Variants in SHANK2 observed in about 807,000 individuals in gnomAD.
SHANK2 encodes SH3 and multiple ankyrin repeat domains 2.
Under a neutral mutation model 133.7 loss-of-function variants are expected in SHANK2, and 43 were observed. That is an observed-to-expected ratio of 0.32 (90% CI 0.25 to 0.41). The LOEUF (loss-of-function observed/expected upper bound fraction) is 0.41. Among genes scored for constraint, SHANK2 ranks in the 10% least tolerant of loss-of-function variants. The pLI is 1.00. For synonymous variants in SHANK2, 1,017 were observed against 952.8 expected (o/e 1.07, Z -1.24); for missense variants, 1,994 against 2,235.8 (o/e 0.89, Z 2.18).
intron 17 of SHANK2, among the ~76,000 whole-genome samples, chr11:70,536,956 C>T (rs2059551484): frequency 6.6e-6 from 1 of 151,736 alleles, no homozygotes; most frequent in Non-Finnish European, 1.5e-5. Flanking sequence ...CCTTCTTACT[C>T]CAGGAAATAA....
intron 17 of SHANK2, among the ~76,000 whole-genome samples, chr11:70,618,934 C>G (rs1379405944): frequency 1.6e-4 from 24 of 152,216 alleles, no homozygotes; most frequent in Non-Finnish European, 5.9e-5. Context: ...AGGGGACACA[C>G]AGGCTGACCC....
At position 70,686,711 on chromosome 11, in the gene SHANK2, G is replaced by A. The variant is rs568558075; in HGVS notation, c.1853+11977C>T. Among the ~76,000 whole-genome samples, 16 of 152,320 alleles carry A rather than the reference G, an allele frequency of 1.1e-4. No homozygotes were observed. In the South Asian group the frequency reaches 3.3e-3, roughly 32 times the overall value. On this transcript the variant is annotated intron_variant, in intron 15 of 25. Coordinates refer to ENST00000601538, the MANE Select transcript of SHANK2 (RefSeq NM_012309.5). Reference sequence around the variant, plus strand: ...ATGGCCCAGGTAATGTTGAGTCAGGGAGGTCTGATTGCTTCTCACTCTAGC... The same window carrying A: ...ATGGCCCAGGTAATGTTGAGTCAGGAAGGTCTGATTGCTTCTCACTCTAGC...
At chr11:70,750,026 A>G (rs1555037165) in intron 14 of SHANK2, among the ~76,000 whole-genome samples, 1 of 152,256 alleles carries the variant, frequency 6.6e-6, no homozygotes, top group Non-Finnish European at 1.5e-5. Flanking sequence ...AAGATGGAGT[A>G]CACACACCAC....
chr11:71,066,145 GGGTGGGGGGGGT>G (rs1951057259), intron 9 of SHANK2, among the ~76,000 whole-genome samples: 2 of 30,930 alleles, frequency 6.5e-5, no homozygotes, highest in Non-Finnish European at 1.4e-4. Flanking sequence ...TGGGGAAGTT[GGGTGGGGGGGGT>G]GCAGAACTCT....
intron 17 of SHANK2, among the ~76,000 whole-genome samples, chr11:70,622,039 G>A (rs1410838012): frequency 6.6e-6 from 1 of 152,152 alleles, no homozygotes; most frequent in African/African-American, 2.4e-5. Flanking sequence ...GAGGGGCCTG[G>A]CCCACCTTGC....
At chr11:70,649,029 G>T (rs963948044) in intron 17 of SHANK2, among the ~76,000 whole-genome samples, 1 of 152,174 alleles carries the variant, frequency 6.6e-6, no homozygotes, top group African/African-American at 2.4e-5. Context: ...CAAGTGTCTG[G>T]GGACAGGAGG....
intron 14 of SHANK2, among the ~76,000 whole-genome samples, chr11:70,778,564 T>TAAG (rs139682906): frequency 0.04 from 6,088 of 152,088 alleles, 420 homozygotes; most frequent in African/African-American, 0.14. Flanking sequence ...CTGGCATTCT[T>TAAG]AAGAGGAAGA....
chr11:71,059,570 T>G (rs1950962670), intron 9 of SHANK2, among the ~76,000 whole-genome samples: 1 of 152,164 alleles, frequency 6.6e-6, no homozygotes, highest in South Asian at 2.1e-4. Flanking sequence ...AGAGTCTTCA[T>G]CCCTGGCTGG....
chr11:70,758,673 A>G (rs2134961091), intron 14 of SHANK2, among the ~76,000 whole-genome samples: 1 of 152,342 alleles, frequency 6.6e-6, no homozygotes, highest in Non-Finnish European at 1.5e-5. Context: ...AAGGATCCCC[A>G]GTTAACAGAG....
At chr11:70,557,823 G>T (rs1246177541) in intron 17 of SHANK2, among the ~76,000 whole-genome samples, 1 of 152,180 alleles carries the variant, frequency 6.6e-6, no homozygotes, top group Non-Finnish European at 1.5e-5. Flanking sequence ...GCACACAGCT[G>T]CCCAGTGCAT....
At chr11:71,152,887 TTTAA>T (rs1952824131) in intron 2 of SHANK2, among the ~76,000 whole-genome samples, 1 of 152,110 alleles carries the variant, frequency 6.6e-6, no homozygotes, top group Admixed American at 6.5e-5. Context: ...TGGGAAAACA[TTTAA>T]TTATTAACTC....
chr11:70,837,423 G>A (rs1555060319), intron 11 of SHANK2, among the ~76,000 whole-genome samples: 1 of 152,126 alleles, frequency 6.6e-6, no homozygotes, highest in African/African-American at 2.4e-5. Context: ...TCCAACTCCA[G>A]GCCTTGTGCA....
intron 17 of SHANK2, among the ~76,000 whole-genome samples, chr11:70,591,517 G>T (rs1554988034): frequency 6.6e-6 from 1 of 151,044 alleles, no homozygotes; most frequent in Non-Finnish European, 1.5e-5. Context: ...AACTTCTGGA[G>T]ATACAACATT....
chr11:71,129,826 G>A (rs548111071), intron 3 of SHANK2, among the ~76,000 whole-genome samples: 2 of 152,222 alleles, frequency 1.3e-5, no homozygotes, highest in Non-Finnish European at 2.9e-5. Flanking sequence ...CACTTACGCT[G>A]AGTTATGAGT....
At chr11:70,940,217 T>C (rs12295902) in intron 10 of SHANK2, among the ~76,000 whole-genome samples, 460 of 6,524 alleles carry the variant, frequency 0.071, 12 homozygotes, top group Middle Eastern at 0.19. Flanking sequence ...CTCCTTCCCT[T>C]CCTCCCTCCC....
In SHANK2 at chr11:70,486,825, A is replaced by G. The variant is rs146736378; in HGVS notation, c.3468T>C (p.His1156=). Residue 1156 remains histidine (H), a synonymous_variant, in exon 25 of 26, where the codon CAT becomes CAC. Transcript: ENST00000601538. This position sits in a 1 kb window ranked among gnomAD's most constrained non-coding sequence, Gnocchi z 8.0. ...PSATPREPEN[H]FVGGAEASAP... is the part of the protein sequence containing the mutation. ...CACTGGCCTCGGCGCCACCCACGAA[A>G]TGGTTTTCGGGCTCCCTGGGCGTGG... is the stretch of plus-strand genomic sequence containing the variant. 3.2e-5 allele frequency: 52 copies of G among 1,612,402 alleles called. No homozygotes were observed. In the Admixed American group the frequency reaches 8.2e-4, roughly 25 times the overall value.
At chr11:70,542,958 CT>C (rs1426608444) in intron 17 of SHANK2, among the ~76,000 whole-genome samples, 2 of 152,180 alleles carry the variant, frequency 1.3e-5, no homozygotes, top group African/African-American at 4.8e-5. Context: ...CCCGGGACCG[CT>C]GACCAATCCC....
At chr11:70,577,162 C>G (rs10899205) in intron 17 of SHANK2, among the ~76,000 whole-genome samples, 52,681 of 152,104 alleles carry the variant, frequency 0.35, 9,583 homozygotes, top group South Asian at 0.48. Flanking sequence ...GGAGCCCAGA[C>G]AGCCCCAGGA....
rs549268947 is a variant in SHANK2 at position 71,214,131 on chromosome 11, T to A, written c.-13+10566A>T. 3.3e-5 allele frequency among the ~76,000 whole-genome samples: 5 copies of A among 152,182 alleles called. No homozygotes were observed. In the East Asian group the frequency reaches 9.7e-4, roughly 30 times the overall value. Reference sequence around the variant, plus strand: ...ACCCCCAGAAAGGGTCTGGCCTCAGTTTCCTCCCACCTCCTGCCTCCTGAC... The same window carrying A: ...ACCCCCAGAAAGGGTCTGGCCTCAGATTCCTCCCACCTCCTGCCTCCTGAC... On this transcript the variant is annotated intron_variant, in intron 2 of 25. Coordinates refer to ENST00000601538, the MANE Select transcript of SHANK2 (RefSeq NM_012309.5).
Sources: allele counts gnomAD v4.1 joint callset (sites outside exome capture counted in the v4.1 genomes callset), GRCh38; gene constraint gnomAD v4.1.1; non-coding constraint Gnocchi (gnomAD v3.1); transcripts MANE v1.5; gene names NCBI Gene and HGNC (gene_info 2026-07-23, HGNC 2026-07-21).